The following ZNF891 variants were observed in gnomAD, a reference collection of about 807,000 sequenced individuals.
ZNF891 encodes zinc finger protein 891.
For missense variants in ZNF891, 589 were observed against 632.7 expected (o/e 0.93, Z 0.74); for synonymous variants, 199 against 209.0 (o/e 0.95, Z 0.41).
rs1306346620 is a variant in ZNF891, at chr12:133,108,785, T to C, written c.*11499A>G. 1.3e-5 allele frequency: 2 copies of C among 152,220 alleles called. No individual in the cohort carries two copies. Among genetic ancestry groups the C allele is most frequent in the Admixed American group, 1.3e-4 (2 of 15,282 alleles). 9.4% of individuals were successfully genotyped at this position (152,220 alleles called of 1,614,324 possible). Reference sequence around the variant, plus strand: ...TTACAATGCAATACTTAAATTTTAATACTCTTGTAGGAGAAAAAGCAACTG... The same window carrying C: ...TTACAATGCAATACTTAAATTTTAACACTCTTGTAGGAGAAAAAGCAACTG... On this transcript the variant is annotated 3_prime_UTR_variant, in exon 2 of 2. Transcript: ENST00000537226.
Position 133,114,104 on chromosome 12 carries a change from T to G in ZNF891, c.*6180A>C, listed in dbSNP as rs1186346003. On this transcript the variant is annotated 3_prime_UTR_variant, in exon 2 of 2. Coordinates refer to ENST00000537226, the MANE Select transcript of ZNF891 (RefSeq NM_001277291.2). Reference sequence around the variant, plus strand: ...CCAATACTTGGTCAACTCATCCCTTTTCATATTATAATACATAATGGAACA... The same window carrying G: ...CCAATACTTGGTCAACTCATCCCTTGTCATATTATAATACATAATGGAACA... 6.6e-6 allele frequency: 1 copy of G among 152,174 alleles called. No individual in the cohort carries two copies. The highest frequency in any genetic ancestry group is 1.5e-5 in the Non-Finnish European group (1 of 68,026). The allele number at this position is 152,174 out of a possible 1,614,324, so 9.4% of individuals were successfully genotyped here.
At chr12:133,129,909 T>C (rs1322988597) in intron 1 of ZNF891, among the ~76,000 whole-genome samples, 1 of 152,198 alleles carries the variant, frequency 6.6e-6, no homozygotes, top group South Asian at 2.1e-4. Flanking sequence ...GTGCACCCTT[T>C]AGCCCTCCCG....
rs1739526500 is a variant in ZNF891, at chr12:133,113,973, C to T, written c.*6311G>A. On this transcript the variant is annotated 3_prime_UTR_variant, in exon 2 of 2. Coordinates refer to ENST00000537226, the MANE Select transcript of ZNF891 (RefSeq NM_001277291.2). ...GCTCAAGCAATCTACTCACCTCAGCCTCTCAAAGTGCTGGGATTACAGATG... is the reference window on the plus strand; with the variant it reads ...GCTCAAGCAATCTACTCACCTCAGCTTCTCAAAGTGCTGGGATTACAGATG... The T allele has an allele frequency of 6.6e-6, 1 of 152,084 alleles. No homozygotes were observed. 9.4% of individuals were successfully genotyped at this position (152,084 alleles called of 1,614,324 possible).
intron 1 of ZNF891, chr12:133,125,840 G>C (rs966776733): frequency 2.0e-6 from 1 of 502,784 alleles, no homozygotes; most frequent in African/African-American, 1.9e-5. Context: ...CTATGACACT[G>C]ATGTGGCCAA....
rs1214617281 is a variant in ZNF891 at position 133,117,438 on chromosome 12, T to A, written c.*2846A>T. The A allele has an allele frequency of 1.3e-5, 2 of 152,252 alleles. No individual in the cohort carries two copies. Among genetic ancestry groups the A allele is most frequent in the African/African-American group, 4.8e-5 (2 of 41,456 alleles). The allele number at this position is 152,252 out of a possible 1,614,324, so 9.4% of individuals were successfully genotyped here. ...TAGTTCACATATTCTGATCACTGCT[T>A]AGTACAGTTAGGTGTAAATAAATAA... On this transcript the variant is annotated 3_prime_UTR_variant, in exon 2 of 2. Coordinates refer to ENST00000537226, the MANE Select transcript of ZNF891 (RefSeq NM_001277291.2).
At position 133,119,048 on chromosome 12, in the gene ZNF891, G is replaced by A. The variant is rs966537287; in HGVS notation, c.*1236C>T. 6.6e-6 allele frequency: 1 copy of A among 151,992 alleles called. No homozygotes were observed. Among genetic ancestry groups the A allele is most frequent in the East Asian group, 1.9e-4 (1 of 5,148 alleles). The allele number at this position is 151,992 out of a possible 1,614,324, so 9.4% of individuals were successfully genotyped here. On this transcript the variant is annotated 3_prime_UTR_variant, in exon 2 of 2. Coordinates refer to ENST00000537226, the MANE Select transcript of ZNF891 (RefSeq NM_001277291.2). ...AGTCTGAGCAATGTAGGAAGAGCCTGTCTCTACAAAATATATATTTTTAAA... is the reference window on the plus strand; with the variant it reads ...AGTCTGAGCAATGTAGGAAGAGCCTATCTCTACAAAATATATATTTTTAAA...
In ZNF891 at chr12:133,112,326, T is replaced by C. The variant is rs1246282898; in HGVS notation, c.*7958A>G. ...AAATGTTATTTTCTCATGGAGACCT[T>C]CTTTTTTTTTTTTGAGACACAGTCT... On this transcript the variant is annotated 3_prime_UTR_variant, in exon 2 of 2. Transcript: ENST00000537226. 1.5e-5 allele frequency: 2 copies of C among 136,236 alleles called. No homozygotes were observed. The highest frequency in any genetic ancestry group is 3.2e-5 in the Non-Finnish European group (2 of 61,802). 8.4% of individuals were successfully genotyped at this position (136,236 alleles called of 1,614,324 possible). A position where few individuals can be genotyped will look rare whatever the true frequency, so the allele number is the denominator to read the frequency against.
rs1315083505 is a variant in ZNF891 at position 133,111,665 on chromosome 12, A to G, written c.*8619T>C. The G allele has an allele frequency of 6.6e-6, 1 of 152,242 alleles. No individual in the cohort carries two copies. The highest frequency in any genetic ancestry group is 1.5e-5 in the Non-Finnish European group (1 of 68,040). 9.4% of individuals were successfully genotyped at this position (152,242 alleles called of 1,614,324 possible). A position where few individuals can be genotyped will look rare whatever the true frequency, so the allele number is the denominator to read the frequency against. ...CCCATGAAACTGTGCTCATAGGTAGAAAATATAATTTTATGTATTTGACAT... is the reference window on the plus strand; with the variant it reads ...CCCATGAAACTGTGCTCATAGGTAGGAAATATAATTTTATGTATTTGACAT... On this transcript the variant is annotated 3_prime_UTR_variant, in exon 2 of 2. Coordinates refer to ENST00000537226, the MANE Select transcript of ZNF891 (RefSeq NM_001277291.2).
At chr12:133,124,964 A>G (rs2137623989) in intron 1 of ZNF891, among the ~76,000 whole-genome samples, 1 of 152,022 alleles carries the variant, frequency 6.6e-6, no homozygotes, top group South Asian at 2.1e-4. Flanking sequence ...GAAACAGAAA[A>G]CAACAAACTT....
At chr12:133,124,711 C>A (rs1338484323) in intron 1 of ZNF891, among the ~76,000 whole-genome samples, 1 of 145,970 alleles carries the variant, frequency 6.9e-6, no homozygotes, top group Non-Finnish European at 1.5e-5. Flanking sequence ...ACCTAGAATT[C>A]AATCGTATGC....
At chr12:133,124,368 G>A (rs1566337979) in intron 1 of ZNF891, among the ~76,000 whole-genome samples, 1 of 151,952 alleles carries the variant, frequency 6.6e-6, no homozygotes. Flanking sequence ...CAGAAGAGGA[G>A]AAAAAAGGGA....
In ZNF891 at chr12:133,121,389, T is replaced by C. The variant is rs1955758054; in HGVS notation, c.530A>G (p.Tyr177Cys). The C allele has an allele frequency of 2.6e-6, 4 of 1,536,016 alleles. No homozygotes were observed. The highest frequency in any genetic ancestry group is 1.7e-4 in the Middle Eastern group (1 of 6,010). The change falls in exon 2 of 2, where the codon TAT becomes TGT. Residue 177 changes from tyrosine (Y) to cysteine (C), a missense_variant. Transcript: ENST00000537226. ...IPGGHWRQMI[Y>C]APKKTVPQEL... is the part of the protein sequence containing the mutation. ...CTGAGGTACTGTTTTCTTTGGGGCA[T>C]ATATCATTTGCCTCCAATGTCCCCC...
At position 133,108,710 on chromosome 12, in the gene ZNF891, C is replaced by G. The variant is rs1955657469; in HGVS notation, c.*11574G>C. On this transcript the variant is annotated 3_prime_UTR_variant, in exon 2 of 2. Transcript: ENST00000537226. ...TTGAGAACGTTTACTTTGGAGCAAT[C>G]TCCAATTAACCAAAGTGATACAAAC... 1 of 152,212 alleles carries G rather than the reference C, an allele frequency of 6.6e-6. No homozygotes were observed. Among genetic ancestry groups the G allele is most frequent in the South Asian group, 2.1e-4 (1 of 4,834 alleles). 9.4% of individuals were successfully genotyped at this position (152,212 alleles called of 1,614,324 possible).
rs1217146889 is a variant in ZNF891 at position 133,115,793 on chromosome 12, C to T, written c.*4491G>A. The T allele has an allele frequency of 6.6e-6, 1 of 152,118 alleles. No individual in the cohort carries two copies. The highest frequency in any genetic ancestry group is 2.1e-4 in the South Asian group (1 of 4,824). The allele number at this position is 152,118 out of a possible 1,614,324, so 9.4% of individuals were successfully genotyped here. A position where few individuals can be genotyped will look rare whatever the true frequency, so the allele number is the denominator to read the frequency against. ...CTCCTGGTGTACAGGATGAGTATTC[C>T]TTATTCAAAACACTTGGGACCAGAA... On this transcript the variant is annotated 3_prime_UTR_variant, in exon 2 of 2. Coordinates refer to ENST00000537226, the MANE Select transcript of ZNF891 (RefSeq NM_001277291.2).
At chr12:133,126,463 G>A (rs367823966) in intron 1 of ZNF891, among the ~76,000 whole-genome samples, 5 of 119,188 alleles carry the variant, frequency 4.2e-5, no homozygotes, top group African/African-American at 1.6e-4. Flanking sequence ...AACAAAGCGA[G>A]ACTCCGTCTC....
At position 133,113,086 on chromosome 12, in the gene ZNF891, T is replaced by A. The variant is rs1032225310; in HGVS notation, c.*7198A>T. On this transcript the variant is annotated 3_prime_UTR_variant, in exon 2 of 2. Coordinates refer to ENST00000537226, the MANE Select transcript of ZNF891 (RefSeq NM_001277291.2). ...AAAATATATATATATATATTTATAT[T>A]TATTTATTAAAAATATATTTATAAA... is the stretch of plus-strand genomic sequence containing the variant. The A allele has an allele frequency of 1.4e-5, 2 of 147,418 alleles. No individual in the cohort carries two copies. Among genetic ancestry groups the A allele is most frequent in the African/African-American group, 2.5e-5 (1 of 40,620 alleles). 9.1% of individuals were successfully genotyped at this position (147,418 alleles called of 1,614,324 possible).
Position 133,120,130 on chromosome 12 carries a change from C to A in ZNF891, c.*154G>T. Reference sequence around the variant, plus strand: ...TACCTAATTCTAAACAGCCATGGATCAAAAAAAGTCATAATTAGTATTTAC... The same window carrying A: ...TACCTAATTCTAAACAGCCATGGATAAAAAAAAGTCATAATTAGTATTTAC... On this transcript the variant is annotated 3_prime_UTR_variant, in exon 2 of 2. Coordinates refer to ENST00000537226, the MANE Select transcript of ZNF891 (RefSeq NM_001277291.2). 2 of 548,982 alleles carry A rather than the reference C, an allele frequency of 3.6e-6. No individual in the cohort carries two copies. Among genetic ancestry groups the A allele is most frequent in the Non-Finnish European group, 6.1e-6 (2 of 328,794 alleles). The allele number at this position is 548,982 out of a possible 1,614,324, so 34.0% of individuals were successfully genotyped here.
At chr12:133,122,766 C>A (rs1356890896) in intron 1 of ZNF891, among the ~76,000 whole-genome samples, 1 of 152,164 alleles carries the variant, frequency 6.6e-6, no homozygotes, top group African/African-American at 2.4e-5. Flanking sequence ...ATTATTACTT[C>A]CAGTTTAACC....
At position 133,106,367 on chromosome 12, in the gene ZNF891, A is replaced by C. The variant is rs201313475; in HGVS notation, c.*13917T>G. On this transcript the variant is annotated 3_prime_UTR_variant, in exon 2 of 2. Coordinates refer to ENST00000537226, the MANE Select transcript of ZNF891 (RefSeq NM_001277291.2). ...GCTCTATGAATGTGATGAATGTGGT[A>C]AAGTTTTCACTTGGCATGCATCCCT... is the stretch of plus-strand genomic sequence containing the variant. 3.1e-6 allele frequency: 5 copies of C among 1,614,180 alleles called. No individual in the cohort carries two copies. In the East Asian group the frequency reaches 1.1e-4, roughly 36 times the overall value.
Sources: gnomAD v4.1 joint callset for allele counts (sites outside exome capture counted in the v4.1 genomes callset) on GRCh38, gnomAD v4.1.1 for gene constraint, MANE v1.5 for transcripts, NCBI Gene and HGNC (gene_info 2026-07-23, HGNC 2026-07-21) for gene names.